The following RBM47 variants were observed in gnomAD, a reference collection of about 807,000 sequenced individuals.
RBM47 encodes the protein RNA-binding protein 47.
RBM47 carries 21 observed loss-of-function variants against 47.1 expected under a neutral mutation model. The observed-to-expected ratio is 0.45, with a 90% CI of 0.32 to 0.64. RBM47 has a LOEUF of 0.64. Ranked by LOEUF, RBM47 falls within the 30% of genes least tolerant of loss-of-function variation. The pLI is 0.05. For missense variants in RBM47, 708 were observed against 870.9 expected (o/e 0.81, Z 2.35); for synonymous variants, 375 against 361.7 (o/e 1.04, Z -0.42).
At chr4:40,454,018 C>T (rs973362854) in intron 3 of RBM47, among the ~76,000 whole-genome samples, 15 of 152,118 alleles carry the variant, frequency 9.9e-5, no homozygotes, top group Admixed American at 9.2e-4. Flanking sequence ...ACGGGGTAGA[C>T]GCCTGCTGGA....
chr4:40,558,725 G>A (rs1237135271), intron 1 of RBM47, among the ~76,000 whole-genome samples: 1 of 151,960 alleles, frequency 6.6e-6, no homozygotes, highest in East Asian at 1.9e-4. Context: ...CTAATTGGGA[G>A]GCTGAGGCAG....
In RBM47 at chr4:40,544,932, G is replaced by A. The variant is rs113939622; in HGVS notation, c.-239-426C>T. 3.3e-5 allele frequency among the ~76,000 whole-genome samples: 5 copies of A among 151,850 alleles called. No homozygotes were observed. The East Asian group carries it at 7.7e-4, about 23-fold the overall frequency. The stretch of plus-strand genomic sequence containing the variant: ...CAAAAAAATTTAAAATTAGCTGGGC[G>A]CCCATGGTCCCAGCTTGTTGGAGGA... On this transcript the variant is annotated intron_variant, in intron 1 of 6. Transcript: ENST00000295971.
rs780593044 is a variant in RBM47, at chr4:40,432,720, G to GGCA, written c.1470_1472dup (p.Ala502dup). 8.7e-6 allele frequency: 14 copies of GGCA among 1,611,290 alleles called. No homozygotes were observed. The highest frequency in any genetic ancestry group is 2.7e-5 in the African/African-American group (2 of 74,758). The stretch of plus-strand genomic sequence containing the variant: ...CGGCGGCTGCGGCCGCGGCTGCGGC[G>GGCA]GCAGCAGCACTGGCTGGGTCTGGCT... On this transcript the variant is annotated inframe_insertion, in exon 6 of 7. Transcript: ENST00000295971.
At chr4:40,617,358 A>C (rs1369894830) in intron 1 of RBM47, among the ~76,000 whole-genome samples, 1 of 151,850 alleles carries the variant, frequency 6.6e-6, no homozygotes, top group East Asian at 1.9e-4. Flanking sequence ...GGAGATGGAG[A>C]CCATCCTGTC....
chr4:40,489,019 G>T (rs1486986418), intron 2 of RBM47, among the ~76,000 whole-genome samples: 1 of 152,168 alleles, frequency 6.6e-6, no homozygotes, highest in Non-Finnish European at 1.5e-5. Context: ...CAGAGCCCAA[G>T]TTTTTGCCCC....
intron 1 of RBM47, among the ~76,000 whole-genome samples, chr4:40,575,364 C>A (rs1443930665): frequency 6.6e-6 from 1 of 151,996 alleles, no homozygotes; most frequent in Non-Finnish European, 1.5e-5. Context: ...CCAGCCTGAT[C>A]AACATGGAGA....
chr4:40,553,939 A>G (rs62304573), intron 1 of RBM47, among the ~76,000 whole-genome samples: 15,435 of 152,248 alleles, frequency 0.1, 813 homozygotes, highest in East Asian at 0.14. Flanking sequence ...TCGTCGTAAG[A>G]TGAGCCAGCC....
chr4:40,592,967 ATATATATATATATT>A (rs1734348843), intron 1 of RBM47, among the ~76,000 whole-genome samples: 1 of 16,830 alleles, frequency 5.9e-5, no homozygotes, highest in Non-Finnish European at 1.1e-4. Context: ...ATATATATAT[ATATATATATATATT>A]TTTTTTTTTT....
chr4:40,462,552 A>C (rs1347403802), intron 3 of RBM47, among the ~76,000 whole-genome samples: 1 of 152,140 alleles, frequency 6.6e-6, no homozygotes. Context: ...TGCTGAGCCC[A>C]ACTGCCGCCT....
At chr4:40,506,208 G>C (rs545365003) in intron 2 of RBM47, among the ~76,000 whole-genome samples, 1 of 152,306 alleles carries the variant, frequency 6.6e-6, no homozygotes, top group East Asian at 1.9e-4. Context: ...GTCCAGGTTT[G>C]CATTTGTGAT....
At chr4:40,566,636 C>T (rs1331682266) in intron 1 of RBM47, among the ~76,000 whole-genome samples, 8 of 151,990 alleles carry the variant, frequency 5.3e-5, no homozygotes, top group Non-Finnish European at 1.0e-4. Context: ...CAGAGCGAGA[C>T]TCCATCTCAA....
chr4:40,451,690 G>A (rs1307959372), intron 3 of RBM47, among the ~76,000 whole-genome samples: 1 of 152,180 alleles, frequency 6.6e-6, no homozygotes. Flanking sequence ...CAGGTCTGTA[G>A]GCAAAAGGCA....
In RBM47 at chr4:40,539,702, T is replaced by C. The variant is rs996222415; in HGVS notation, c.-155+4720A>G. Reference sequence around the variant, plus strand: ...TTGCAGTCAACCGAGATTGTGCCACTGCACTCCAGCCTGGGCGACAGAGCA... The same window carrying C: ...TTGCAGTCAACCGAGATTGTGCCACCGCACTCCAGCCTGGGCGACAGAGCA... On this transcript the variant is annotated intron_variant, in intron 2 of 6. Coordinates refer to ENST00000295971, the MANE Select transcript of RBM47 (RefSeq NM_001098634.2). Among the ~76,000 whole-genome samples, 3 of 117,376 alleles carry C rather than the reference T, an allele frequency of 2.6e-5. No individual in the cohort carries two copies. The Admixed American group carries it at 3.9e-4, about 15-fold the overall frequency. The allele number at this position is 117,376 out of a possible 152,430, so 77.0% of individuals were successfully genotyped here.
intron 1 of RBM47, among the ~76,000 whole-genome samples, chr4:40,590,404 C>CA (rs926956539): frequency 4.6e-5 from 7 of 151,180 alleles, no homozygotes; most frequent in African/African-American, 1.2e-4. Context: ...AAAAAAAAAA[C>CA]AAAAAAACCC....
At chr4:40,472,593 T>A (rs1053916559) in intron 2 of RBM47, among the ~76,000 whole-genome samples, 3 of 151,884 alleles carry the variant, frequency 2.0e-5, no homozygotes, top group Admixed American at 1.3e-4. Context: ...ATGTTTTTCT[T>A]CAAATGCTAT....
At chr4:40,479,367 C>A (rs993065146) in intron 2 of RBM47, among the ~76,000 whole-genome samples, 2 of 151,996 alleles carry the variant, frequency 1.3e-5, no homozygotes, top group African/African-American at 4.8e-5. Flanking sequence ...CTTTGGGAGG[C>A]CAGGACAGGA....
intron 2 of RBM47, chr4:40,543,303 C>T (rs1728719299): frequency 6.6e-6 from 1 of 152,122 alleles, no homozygotes; most frequent in Non-Finnish European, 1.5e-5. Flanking sequence ...TCATTGCAAA[C>T]TCCTACCCGC....
chr4:40,562,646 A>G (rs977946472), intron 1 of RBM47, among the ~76,000 whole-genome samples: 3 of 151,880 alleles, frequency 2.0e-5, no homozygotes, highest in African/African-American at 4.8e-5. Flanking sequence ...TTGTATTTTT[A>G]GTAGAGACGA....
At chr4:40,451,470 G>T (rs1020981458) in intron 3 of RBM47, among the ~76,000 whole-genome samples, 1 of 152,110 alleles carries the variant, frequency 6.6e-6, no homozygotes. Flanking sequence ...TTTAAATTCC[G>T]ACCCCGCTGC....
Sources: allele counts gnomAD v4.1 joint callset (sites outside exome capture counted in the v4.1 genomes callset), GRCh38; gene constraint gnomAD v4.1.1; transcripts MANE v1.5; gene names NCBI Gene and HGNC (gene_info 2026-07-23, HGNC 2026-07-21).